The following TBC1D14 variants were observed in gnomAD, a reference collection of about 807,000 sequenced individuals.
TBC1D14 encodes the protein TBC1 domain family member 14, also known as TBC1 domain family, member 14.
In TBC1D14, 26 loss-of-function variants were observed where a neutral mutation model predicts 79.0. The ratio of observed to expected loss-of-function variants is 0.33; its 90% CI spans 0.24 to 0.46. The LOEUF (loss-of-function observed/expected upper bound fraction) is 0.46, where lower values mean the gene tolerates loss of function less well. Ranked by LOEUF, TBC1D14 falls within the 20% of genes least tolerant of loss-of-function variation. The pLI, the probability that TBC1D14 is intolerant of heterozygous loss-of-function variation, is 1.00. For synonymous variants in TBC1D14, 394 were observed against 349.9 expected, an observed-to-expected ratio of 1.13 and a Z score of -1.40; for missense variants, 769 against 887.6, an observed-to-expected ratio of 0.87 and a Z score of 1.70.
At chr4:6,925,763 C>T (rs543489641) in intron 2 of TBC1D14, among the ~76,000 whole-genome samples, 82 of 152,226 alleles carry the variant, frequency 5.4e-4, no homozygotes, top group Non-Finnish European at 1.0e-3. Flanking sequence ...AGCCATATCG[C>T]GGTGTTGCTG....
At chr4:7,002,229 C>T (rs186565626) in intron 7 of TBC1D14, among the ~76,000 whole-genome samples, 1 of 152,286 alleles carries the variant, frequency 6.6e-6, no homozygotes, top group East Asian at 1.9e-4. Context: ...TTGGCTAAAT[C>T]CATACCTACC....
intron 9 of TBC1D14, among the ~76,000 whole-genome samples, chr4:7,008,272 C>A (rs1487442502): frequency 6.6e-6 from 1 of 152,194 alleles, no homozygotes; most frequent in African/African-American, 2.4e-5. Context: ...GTCTTTCATT[C>A]CAATGTAGAG....
At chr4:6,976,792 G>A (rs1716748723) in intron 3 of TBC1D14, among the ~76,000 whole-genome samples, 1 of 152,090 alleles carries the variant, frequency 6.6e-6, no homozygotes, top group Non-Finnish European at 1.5e-5. Context: ...GCAAGTAGAT[G>A]TTGCCTTTAA....
intron 2 of TBC1D14, among the ~76,000 whole-genome samples, chr4:6,962,912 G>T (rs928142854): frequency 1.1e-4 from 16 of 152,090 alleles, no homozygotes; most frequent in African/African-American, 3.6e-4. Flanking sequence ...CACACACACG[G>T]TGGCTGCTCC....
intron 3 of TBC1D14, chr4:6,987,280 G>T: frequency 7.5e-7 from 1 of 1,338,408 alleles, no homozygotes; most frequent in Non-Finnish European, 9.6e-7. Context: ...GAGGGAGGGA[G>T]GGAGGCCGGC....
chr4:7,010,571 G>A, intron 10 of TBC1D14, 82 bp from the exon 11 acceptor site: 1 of 1,522,446 alleles, frequency 6.6e-7, no homozygotes. Flanking sequence ...GAGGGTGGTA[G>A]GTTTGTCTTT....
intron 3 of TBC1D14, among the ~76,000 whole-genome samples, chr4:6,978,164 G>A (rs1302021594): frequency 6.6e-6 from 1 of 151,214 alleles, no homozygotes; most frequent in Non-Finnish European, 1.5e-5. Flanking sequence ...CGGGAGGTGA[G>A]GGGCGCCTCT....
intron 6 of TBC1D14, among the ~76,000 whole-genome samples, chr4:7,000,040 T>TGCAG (rs1319192334): frequency 6.6e-6 from 1 of 152,186 alleles, no homozygotes; most frequent in East Asian, 1.9e-4. Flanking sequence ...ATGTCAGCAC[T>TGCAG]GCAGGGGTCA....
At chr4:6,938,612 C>T (rs961528285) in intron 2 of TBC1D14, among the ~76,000 whole-genome samples, 7 of 152,186 alleles carry the variant, frequency 4.6e-5, no homozygotes, top group Non-Finnish European at 7.4e-5. Context: ...CATTCAGGGA[C>T]GCCTTCTCAC....
intron 13 of TBC1D14, 50 bp downstream of exon 13, chr4:7,025,312 C>A: frequency 6.2e-7 from 1 of 1,607,296 alleles, no homozygotes; most frequent in Admixed American, 1.7e-5. Flanking sequence ...CGGCAAGTGG[C>A]GCGACTCAGG....
intron 12 of TBC1D14, among the ~76,000 whole-genome samples, chr4:7,024,120 C>T (rs1391108218): frequency 6.6e-6 from 1 of 152,194 alleles, no homozygotes; most frequent in Non-Finnish European, 1.5e-5. Flanking sequence ...GTGGGCAGAA[C>T]CCATGCCCCT....
intron 13 of TBC1D14, among the ~76,000 whole-genome samples, chr4:7,025,707 C>G (rs899988198): frequency 6.6e-6 from 1 of 152,254 alleles, no homozygotes; most frequent in African/African-American, 2.4e-5. Context: ...GATTACCCCC[C>G]TCTTACAACA....
chr4:6,928,113 TAGC>T (rs1472356376), intron 2 of TBC1D14, among the ~76,000 whole-genome samples: 5 of 152,232 alleles, frequency 3.3e-5, no homozygotes, highest in Non-Finnish European at 5.9e-5. Flanking sequence ...GTCTCTTGTG[TAGC>T]CCCTTTACGG....
rs1003073149 is a variant in TBC1D14, at chr4:7,014,339, T to A, written c.1648-109T>A. ...TTGCCATTCAAAGTGTATTAGTAAT[T>A]ACAGAAGAAGGTAATTGTTAGAGTC... On this transcript the variant is annotated intron_variant, in intron 11 of 13. Coordinates refer to ENST00000409757, the MANE Select transcript of TBC1D14 (RefSeq NM_020773.3). 11 of 676,862 alleles carry A rather than the reference T, an allele frequency of 1.6e-5. No homozygotes were observed. In the African/African-American group the frequency reaches 2.0e-4, roughly 12 times the overall value. 41.9% of individuals were successfully genotyped at this position (676,862 alleles called of 1,614,324 possible).
intron 3 of TBC1D14, 81 bp downstream of exon 3, chr4:6,967,505 T>C: frequency 6.5e-7 from 1 of 1,535,756 alleles, no homozygotes; most frequent in Non-Finnish European, 8.7e-7. Context: ...AATGACCATA[T>C]TGAGTCTGAA....
rs773946851 is a variant in TBC1D14 at position 7,025,028 on chromosome 4, T to C, written c.1782T>C (p.Ser594=). The C allele has an allele frequency of 5.6e-6, 9 of 1,614,098 alleles. No homozygotes were observed. The Admixed American group carries it at 1.5e-4, about 27-fold the overall frequency. ...IDWIFTLYSK[S]LPLDLACRIW... ...GGATCTTTACCTTATATAGTAAATC[T>C]CTGCCCCTCGACCTGGCCTGTCGTA... The change falls in exon 13 of 14, where the codon TCT becomes TCC. Residue 594 remains serine (S), a synonymous_variant. Coordinates refer to ENST00000409757, the MANE Select transcript of TBC1D14 (RefSeq NM_020773.3).
At chr4:6,977,654 G>A (rs549412939) in intron 3 of TBC1D14, among the ~76,000 whole-genome samples, 107 of 146,912 alleles carry the variant, frequency 7.3e-4, no homozygotes, top group African/African-American at 2.4e-3. Flanking sequence ...CTGCCCGGCC[G>A]CCATCCCATC....
At position 6,923,895 on chromosome 4, in the gene TBC1D14, C is replaced by T. The variant is rs776110416; in HGVS notation, c.506C>T (p.Thr169Met). 4.3e-6 allele frequency: 7 copies of T among 1,614,148 alleles called. No individual in the cohort carries two copies. Among genetic ancestry groups the T allele is most frequent in the South Asian group, 2.2e-5 (2 of 91,088 alleles). Residue 169 changes from threonine to methionine, a missense_variant, in exon 2 of 14, where the codon ACG (threonine) becomes ATG (methionine). This residue lies in a region of TBC1D14 where 402 missense variants were observed against 393.2 expected (regional missense o/e 1.02). Coordinates refer to ENST00000409757, the MANE Select transcript of TBC1D14 (RefSeq NM_020773.3). The stretch of plus-strand genomic sequence containing the variant: ...AGTCTTGGGACAGAGCTGTCCACCA[C>T]GCTGTCCGTCAGCAATGAGGACATC... ...VSSLGTELSTTLSVSNEDILD... is the reference protein window; with the variant it reads ...VSSLGTELSTMLSVSNEDILD...
intron 12 of TBC1D14, among the ~76,000 whole-genome samples, chr4:7,019,793 A>G (rs1244873852): frequency 2.2e-5 from 2 of 91,622 alleles, no homozygotes; most frequent in Admixed American, 1.1e-4. Context: ...AGAGGTGGGT[A>G]TGTGAACCCT....
Sources: allele counts gnomAD v4.1 joint callset (sites outside exome capture counted in the v4.1 genomes callset), GRCh38; gene constraint gnomAD v4.1.1; regional missense constraint gnomAD v4.1.1; transcripts MANE v1.5; gene names NCBI Gene and HGNC (gene_info 2026-07-23, HGNC 2026-07-21).